MXRA5: variants seen among roughly 807,000 people sequenced by gnomAD.
MXRA5 encodes the protein matrix remodeling associated 5.
In MXRA5, 41 loss-of-function variants were observed where a neutral mutation model predicts 112.5. The ratio of observed to expected loss-of-function variants is 0.36; its 90% CI spans 0.28 to 0.47. The LOEUF (loss-of-function observed/expected upper bound fraction) is 0.47. Ranked by LOEUF, MXRA5 falls within the 20% of genes least tolerant of loss-of-function variation. MXRA5 has a pLI of 0.99. For missense variants in MXRA5, 2,150 were observed against 2,251.0 expected (o/e 0.96, Z 0.91); for synonymous variants, 862 against 900.8 (o/e 0.96, Z 0.77).
intron 2 of MXRA5, among the ~76,000 whole-genome samples, chrX:3,336,251 T>C (rs1170429028): frequency 1.8e-5 from 2 of 111,452 alleles, no homozygotes; most frequent in Admixed American, 9.6e-5. Flanking sequence ...AGCTCAGGGC[T>C]CCCACTGATT....
intron 2 of MXRA5, among the ~76,000 whole-genome samples, chrX:3,331,730 G>T (rs186692974): frequency 0.02 from 2,177 of 111,475 alleles, 68 homozygotes; most frequent in African/African-American, 0.067. Context: ...TTAAATTTTT[G>T]GTTTTTTGTT....
chrX:3,315,951 C>T (rs12012256), intron 6 of MXRA5, among the ~76,000 whole-genome samples: 4,815 of 104,322 alleles, frequency 0.046, 299 homozygotes, highest in African/African-American at 0.17. Flanking sequence ...TTCATTTATC[C>T]TTTTTTCCTT....
At chrX:3,329,473 G>C (rs1475946047) in intron 4 of MXRA5, among the ~76,000 whole-genome samples, 1 of 111,026 alleles carries the variant, frequency 9.0e-6, no homozygotes, top group Admixed American at 9.5e-5. Context: ...GAAGGGGAGA[G>C]AAGGAAGGAA....
Position 3,311,112 on chromosome X carries a change from A to G in MXRA5, c.7091T>C (p.Val2364Ala). 1 of 1,211,467 alleles carries G rather than the reference A, an allele frequency of 8.3e-7. No homozygotes were observed. Among genetic ancestry groups the G allele is most frequent in the Admixed American group, 2.2e-5 (1 of 46,006 alleles). ...TCCTTTGGCCTCACAGGCTACAGTG[A>G]CCACGTCTCCATAGGGCACCTGAAC... is the stretch of plus-strand genomic sequence containing the variant. ...LAVQVPYGDV[V>A]TVACEAKGEP... The change falls in exon 7 of 7, where the codon GTC (valine) becomes GCC (alanine). Residue 2364 changes from valine to alanine, a missense_variant. Val to Ala is a moderately conservative substitution (Grantham distance 64, BLOSUM62 0). This residue lies in a region of MXRA5 where 1,485 missense variants were observed against 1,471.6 expected (regional missense o/e 1.01). Transcript: ENST00000217939.
chrX:3,337,754 C>G (rs1175614753), intron 2 of MXRA5, among the ~76,000 whole-genome samples: 1 of 111,466 alleles, frequency 9.0e-6, no homozygotes, highest in African/African-American at 3.3e-5. Context: ...GGATCCATGA[C>G]CAGGTGTGGC....
At chrX:3,313,037 T>C (rs996944675) in intron 6 of MXRA5, among the ~76,000 whole-genome samples, 8 of 112,284 alleles carry the variant, frequency 7.1e-5, no homozygotes, top group Non-Finnish European at 1.3e-4. Flanking sequence ...TGTAACTTGG[T>C]AAGGAATTTA....
chrX:3,344,987 G>T (rs983484667), intron 1 of MXRA5, among the ~76,000 whole-genome samples: 2 of 110,578 alleles, frequency 1.8e-5, no homozygotes, highest in Non-Finnish European at 3.8e-5. Flanking sequence ...AACAAAATTA[G>T]CTGGGCGTGG....
chrX:3,343,155 A>G (rs1401962213), intron 2 of MXRA5, among the ~76,000 whole-genome samples: 4 of 112,697 alleles, frequency 3.5e-5, no homozygotes, highest in African/African-American at 6.4e-5. Context: ...AAAGACGTTG[A>G]TATTTTTAAC....
chrX:3,315,408 GATAGATA>G (rs1921088336), intron 6 of MXRA5, among the ~76,000 whole-genome samples: 1 of 49,489 alleles, frequency 2.0e-5, no homozygotes, highest in Non-Finnish European at 3.8e-5. Context: ...TAGATAGATA[GATAGATA>G]GATAGAACCT....
intron 2 of MXRA5, among the ~76,000 whole-genome samples, chrX:3,341,094 G>GTATAATATAATATA (rs1921917919): frequency 6.1e-5 from 1 of 16,411 alleles, no homozygotes; most frequent in Non-Finnish European, 1.3e-4. Context: ...TACATAATAT[G>GTATAATATAATATA]TTATACATAA....
At chrX:3,335,498 C>A (rs1379579245) in intron 2 of MXRA5, among the ~76,000 whole-genome samples, 1 of 112,219 alleles carries the variant, frequency 8.9e-6, no homozygotes, top group Non-Finnish European at 1.9e-5. Flanking sequence ...CGCCTGGCCG[C>A]CATTTTTATT....
intron 2 of MXRA5, among the ~76,000 whole-genome samples, chrX:3,340,243 C>T (rs1456491888): frequency 8.9e-6 from 1 of 112,145 alleles, no homozygotes; most frequent in Non-Finnish European, 1.9e-5. Context: ...ACTTGGCCAA[C>T]AATTCCTCAT....
At chrX:3,319,680 G>C (rs1161218627) in intron 5 of MXRA5, among the ~76,000 whole-genome samples, 2 of 111,614 alleles carry the variant, frequency 1.8e-5, no homozygotes, top group Non-Finnish European at 3.8e-5. Flanking sequence ...AGGAGAGAGG[G>C]AGGGGTGGCA....
At chrX:3,338,939 A>G (rs1375699115) in intron 2 of MXRA5, among the ~76,000 whole-genome samples, 2 of 100,632 alleles carry the variant, frequency 2.0e-5, no homozygotes, top group Non-Finnish European at 4.1e-5. Flanking sequence ...TAGGCAGACT[A>G]TAGATAATAG....
chrX:3,335,488 C>A (rs925197880), intron 2 of MXRA5, among the ~76,000 whole-genome samples: 4 of 112,645 alleles, frequency 3.6e-5, no homozygotes, highest in African/African-American at 1.3e-4. Flanking sequence ...TGAGTCACTG[C>A]GCCTGGCCGC....
At chrX:3,334,474 C>G (rs1485946711) in intron 2 of MXRA5, among the ~76,000 whole-genome samples, 1 of 111,227 alleles carries the variant, frequency 9.0e-6, no homozygotes, top group East Asian at 2.8e-4. Context: ...AGGACTGCTA[C>G]AGAGTTTCTG....
intron 1 of MXRA5, among the ~76,000 whole-genome samples, chrX:3,345,405 C>T (rs1334288332): frequency 8.8e-6 from 1 of 113,067 alleles, no homozygotes; most frequent in East Asian, 2.8e-4. Flanking sequence ...CGGGCTTTCC[C>T]CGCCCCTGCC....
intron 2 of MXRA5, among the ~76,000 whole-genome samples, chrX:3,332,405 C>T (rs183419741): frequency 0.012 from 1,352 of 111,159 alleles, 22 homozygotes; most frequent in African/African-American, 0.042. Context: ...CCACCGCGCC[C>T]GGCTAATTTT....
chrX:3,329,579 G>A (rs892998674), intron 4 of MXRA5, among the ~76,000 whole-genome samples: 1 of 92,283 alleles, frequency 1.1e-5, no homozygotes, highest in African/African-American at 3.8e-5. Flanking sequence ...AATCGCTTCC[G>A]TGTCCGTAAA....
Sources: gnomAD v4.1 joint callset for allele counts (sites outside exome capture counted in the v4.1 genomes callset) on GRCh38, gnomAD v4.1.1 for gene constraint, gnomAD v4.1.1 regional missense constraint, MANE v1.5 for transcripts, NCBI Gene and HGNC (gene_info 2026-07-23, HGNC 2026-07-21) for gene names.